ZC3HAV1: variants seen among roughly 807,000 people sequenced by gnomAD.
ZC3HAV1 encodes the protein zinc finger CCCH-type containing, antiviral 1, also known as zinc finger CCCH-type antiviral protein 1.
In ZC3HAV1, 41 loss-of-function variants were observed where a neutral mutation model predicts 86.6. The observed-to-expected ratio is 0.47, with a 90% CI of 0.37 to 0.61. The LOEUF is 0.61. Ranked by LOEUF, ZC3HAV1 falls within the 20% of genes least tolerant of loss-of-function variation. ZC3HAV1 has a pLI of 0.00. For synonymous variants in ZC3HAV1, 421 were observed against 432.1 expected, an observed-to-expected ratio of 0.97 and a Z score of 0.32; for missense variants, 964 against 1,141.1, an observed-to-expected ratio of 0.84 and a Z score of 2.24.
At chr7:139,056,468 G>C (rs1816289160) in intron 9 of ZC3HAV1, among the ~76,000 whole-genome samples, 1 of 134,018 alleles carries the variant, frequency 7.5e-6, no homozygotes, top group Admixed American at 8.3e-5. Context: ...TGAGTACAAT[G>C]GTGCAAAGAC....
chr7:139,055,103 T>G, intron 10 of ZC3HAV1, 102 bp downstream of exon 10: 7 of 1,056,188 alleles, frequency 6.6e-6, no homozygotes, highest in Non-Finnish European at 9.9e-6. Context: ...CTAAGAGTTT[T>G]GCGGGAGCAA....
chr7:139,105,032 CAAAAAAA>C (rs34053904), intron 1 of ZC3HAV1, among the ~76,000 whole-genome samples: 47 of 72,832 alleles, frequency 6.5e-4, no homozygotes, highest in Admixed American at 2.0e-3. Context: ...GACTCTGTCT[CAAAAAAA>C]AAAAAAAAAA....
rs891457798 is a variant in ZC3HAV1, at chr7:139,108,688, C to G, written c.308+336G>C. ...TCCTTCCCAAACCTGCCTACCGCTTCTCTAGGCCCTGGCTGGCTCCAGAGC... is the reference window on the plus strand; with the variant it reads ...TCCTTCCCAAACCTGCCTACCGCTTGTCTAGGCCCTGGCTGGCTCCAGAGC... On this transcript the variant is annotated intron_variant, in intron 1 of 12. Transcript: ENST00000242351. This position sits in a 1 kb window ranked among gnomAD's most constrained non-coding sequence, Gnocchi z 4.2. Among the ~76,000 whole-genome samples the G allele has an allele frequency of 2.0e-5, 3 of 152,222 alleles. No homozygotes were observed.
chr7:139,079,379 A>C, intron 4 of ZC3HAV1, 91 bp downstream of exon 4: 1 of 1,606,472 alleles, frequency 6.2e-7, no homozygotes, highest in Non-Finnish European at 8.5e-7. Flanking sequence ...AGTTTTTTCT[A>C]CATCAGTAGT....
intron 12 of ZC3HAV1, among the ~76,000 whole-genome samples, chr7:139,052,866 C>T (rs1236269806): frequency 3.3e-5 from 5 of 151,362 alleles, no homozygotes; most frequent in African/African-American, 1.2e-4. Context: ...GAGGTTGAGG[C>T]TGCAGTGAGC....
chr7:139,097,423 TA>T (rs1284525883), intron 1 of ZC3HAV1, among the ~76,000 whole-genome samples: 58 of 84,940 alleles, frequency 6.8e-4, no homozygotes, highest in African/African-American at 1.9e-3. Context: ...TATATATATA[TA>T]TATATTTTTT....
chr7:139,076,190 G>T (rs1816936942), intron 6 of ZC3HAV1, 96 bp downstream of exon 6: 1 of 1,549,872 alleles, frequency 6.5e-7, no homozygotes, highest in African/African-American at 1.4e-5. Context: ...GATTCTGATG[G>T]AAAAGTGTTT....
chr7:139,082,200 C>T (rs928571338), intron 3 of ZC3HAV1, among the ~76,000 whole-genome samples: 2 of 151,864 alleles, frequency 1.3e-5, no homozygotes, highest in Non-Finnish European at 2.9e-5. Flanking sequence ...AGGAGGCGGC[C>T]GGCCATTGCA....
chr7:139,056,774 G>C (rs1399666772), intron 9 of ZC3HAV1, among the ~76,000 whole-genome samples: 1 of 152,114 alleles, frequency 6.6e-6, no homozygotes. Context: ...TAGACTAAAA[G>C]ATATTTATGA....
chr7:139,092,753 C>T (rs917065311), intron 1 of ZC3HAV1, among the ~76,000 whole-genome samples: 2 of 152,234 alleles, frequency 1.3e-5, no homozygotes, highest in African/African-American at 4.8e-5. Context: ...CGTGGTGCTG[C>T]CCACCTGGGG....
intron 1 of ZC3HAV1, among the ~76,000 whole-genome samples, chr7:139,098,459 G>A (rs909741842): frequency 1.3e-5 from 2 of 152,098 alleles, no homozygotes; most frequent in African/African-American, 2.4e-5. Context: ...ATTTCCCTTA[G>A]ATGACCTCTT....
At chr7:139,049,549 G>A (rs968641674) in intron 12 of ZC3HAV1, 5 of 152,450 alleles carry the variant, frequency 3.3e-5, no homozygotes, top group Non-Finnish European at 5.9e-5. Context: ...AACACGGTGT[G>A]CTTCTTCAGG....
intron 2 of ZC3HAV1, among the ~76,000 whole-genome samples, chr7:139,088,056 GA>G (rs1269397501): frequency 9.2e-6 from 1 of 108,526 alleles, no homozygotes; most frequent in Non-Finnish European, 2.0e-5. Context: ...AAAAAAAAAA[GA>G]AAAAAGAAAA....
intron 9 of ZC3HAV1, 139 bp downstream of exon 9, chr7:139,060,897 T>C (rs761659069): frequency 1.3e-6 from 2 of 1,577,992 alleles, no homozygotes; most frequent in Non-Finnish European, 8.6e-7. Flanking sequence ...TACTCATCGA[T>C]AATGCAAATG....
At chr7:139,105,594 T>C (rs1350516730) in intron 1 of ZC3HAV1, among the ~76,000 whole-genome samples, 2 of 152,120 alleles carry the variant, frequency 1.3e-5, no homozygotes, top group African/African-American at 2.4e-5. Context: ...ACTAAAAACA[T>C]TGCAAAAGAA....
intron 1 of ZC3HAV1, among the ~76,000 whole-genome samples, chr7:139,106,384 C>T (rs751109078): frequency 7.9e-5 from 12 of 152,024 alleles, no homozygotes; most frequent in Non-Finnish European, 1.5e-4. Context: ...AGGCCTAGGC[C>T]GGCAGATCGC....
rs765288792 is a variant in ZC3HAV1, at chr7:139,057,532, ATTT to A, written c.2097-2240_2097-2238del. ...AATTTTCCATGATCAAAACAATTAC[ATTT>A]TTTTTTTTTTTTTTTTTTTTTGAGA... On this transcript the variant is annotated intron_variant, in intron 9 of 12. Coordinates refer to ENST00000242351, the MANE Select transcript of ZC3HAV1 (RefSeq NM_020119.4). 9.3e-3 allele frequency among the ~76,000 whole-genome samples: 527 copies of A among 56,844 alleles called. 21 individuals carry two copies. Among genetic ancestry groups the A allele is most frequent in the African/African-American group, 0.045 (502 of 11,076 alleles). The allele number at this position is 56,844 out of a possible 152,430, so 37.3% of individuals were successfully genotyped here.
chr7:139,074,487 G>T (rs1445153286), intron 6 of ZC3HAV1, among the ~76,000 whole-genome samples: 2 of 152,020 alleles, frequency 1.3e-5, no homozygotes, highest in Admixed American at 6.6e-5. Flanking sequence ...AGGAATACAC[G>T]ATGAAATTTT....
At chr7:139,104,229 G>A (rs1221961513) in intron 1 of ZC3HAV1, among the ~76,000 whole-genome samples, 1 of 144,650 alleles carries the variant, frequency 6.9e-6, no homozygotes, top group Non-Finnish European at 1.5e-5. Context: ...CACCCAAAAT[G>A]TGAATTAACC....
Sources: gnomAD v4.1 joint callset for allele counts (sites outside exome capture counted in the v4.1 genomes callset) on GRCh38, gnomAD v4.1.1 for gene constraint, Gnocchi (gnomAD v3.1) non-coding constraint, MANE v1.5 for transcripts, NCBI Gene and HGNC (gene_info 2026-07-23, HGNC 2026-07-21) for gene names.